HAVCR2: variants seen among roughly 807,000 people sequenced by gnomAD.
HAVCR2 encodes T cell immunoglobulin mucin 3.
In HAVCR2, 13 loss-of-function variants were observed where a neutral mutation model predicts 24.7. That is an observed-to-expected ratio of 0.53 (90% CI 0.34 to 0.84). HAVCR2 has a LOEUF of 0.84. Among genes scored for constraint, HAVCR2 ranks in the 40% least tolerant of loss-of-function variants. HAVCR2 has a pLI of 0.01. For synonymous variants in HAVCR2, 154 were observed against 143.4 expected (o/e 1.07, Z -0.53); for missense variants, 343 against 371.2 (o/e 0.92, Z 0.62).
chr5:157,091,368 C>T (rs1284315279), intron 5 of HAVCR2, among the ~76,000 whole-genome samples: 2 of 151,940 alleles, frequency 1.3e-5, no homozygotes, highest in South Asian at 2.1e-4. Flanking sequence ...TCACTTGAAC[C>T]CGGGGAGGCA....
At chr5:157,090,518 C>T (rs984955210) in intron 5 of HAVCR2, among the ~76,000 whole-genome samples, 2 of 152,010 alleles carry the variant, frequency 1.3e-5, no homozygotes, top group Admixed American at 6.6e-5. Flanking sequence ...TGCTTGAACT[C>T]GGGAGGTAGA....
At chr5:157,102,015 C>T (rs1044446683) in intron 3 of HAVCR2, among the ~76,000 whole-genome samples, 27 of 140,504 alleles carry the variant, frequency 1.9e-4, no homozygotes, top group Non-Finnish European at 7.6e-5. Context: ...GGTGAGATCT[C>T]GGTTCACTCC....
chr5:157,092,878 CAAAAAAAAAAAAAAAAAAAAA>C lies in HAVCR2; in HGVS notation c.676+2407_676+2427del, dbSNP rs556443053. Among the ~76,000 whole-genome samples, 32 of 44,044 alleles carry C rather than the reference CAAAAAAAAAAAAAAAAAAAAA, an allele frequency of 7.3e-4. 2 individuals carry two copies. The highest frequency in any genetic ancestry group is 2.0e-3 in the South Asian group (3 of 1,466). 28.9% of individuals were successfully genotyped at this position (44,044 alleles called of 152,430 possible). On this transcript the variant is annotated intron_variant, in intron 5 of 6. Transcript: ENST00000307851. ...CAACATGGCAAAACCCTGTCTCTACCAAAAAAAAAAAAAAAAAAAAAAAAAAAAAAAAAAAAAAAACTAGCC... is the reference window on the plus strand; with the variant it reads ...CAACATGGCAAAACCCTGTCTCTACCAAAAAAAAAAAAAAAAAAACTAGCC...
At chr5:157,108,894 A>G in intron 1 of HAVCR2, 32 bp downstream of exon 1, 1 of 1,606,072 alleles carries the variant, frequency 6.2e-7, no homozygotes, top group Non-Finnish European at 8.5e-7. Context: ...CAGCACCATT[A>G]TGTCATTGTA....
intron 5 of HAVCR2, among the ~76,000 whole-genome samples, chr5:157,093,806 G>A (rs370002083): frequency 2.6e-5 from 4 of 152,140 alleles, no homozygotes; most frequent in South Asian, 2.1e-4. Context: ...TTAGCCAGGC[G>A]TGGTGGTACA....
At chr5:157,105,265 T>C (rs960492962) in intron 2 of HAVCR2, among the ~76,000 whole-genome samples, 1 of 152,158 alleles carries the variant, frequency 6.6e-6, no homozygotes, top group Admixed American at 6.5e-5. Flanking sequence ...GGTTTCTCCA[T>C]GTTGGTCAGA....
chr5:157,087,173 C>A lies in HAVCR2; in HGVS notation c.835G>T (p.Glu279Ter). 1 of 1,614,076 alleles carries A rather than the reference C, an allele frequency of 6.2e-7. No homozygotes were observed. The highest frequency in any genetic ancestry group is 8.5e-7 in the Non-Finnish European group (1 of 1,179,990). ...CTGCTGCTGACATAGCAATAATACT[C>A]ATTGGGCTCCTCCACTTCATATACG... Reference protein sequence around the residue: ...ENVYEVEEPNEYYCYVSSRQQ... With the variant: ...ENVYEVEEPN The change falls in exon 7 of 7, where the codon GAG becomes TAG. Residue 279 changes from glutamate (E) to a stop codon, truncating the protein, a stop_gained. Transcript: ENST00000307851. LOFTEE classifies it low-confidence loss of function (END_TRUNC).
At chr5:157,107,482 C>T (rs1457539642) in intron 1 of HAVCR2, among the ~76,000 whole-genome samples, 1 of 152,114 alleles carries the variant, frequency 6.6e-6, no homozygotes, top group African/African-American at 2.4e-5. Context: ...AATACAAACC[C>T]TTGGTTAAAT....
At chr5:157,094,234 C>T (rs1757059329) in intron 5 of HAVCR2, among the ~76,000 whole-genome samples, 1 of 151,580 alleles carries the variant, frequency 6.6e-6, no homozygotes, top group South Asian at 2.1e-4. Context: ...AGGCAGGATC[C>T]TGCTTTGCTG....
intron 5 of HAVCR2, among the ~76,000 whole-genome samples, chr5:157,089,835 T>G (rs1756969844): frequency 6.6e-6 from 1 of 152,236 alleles, no homozygotes; most frequent in African/African-American, 2.4e-5. Context: ...AAAGGTAGGC[T>G]GGGGCTAGGT....
Position 157,106,962 on chromosome 5 carries a change from C to A in HAVCR2, c.59G>T (p.Arg20Met). The change falls in exon 2 of 7, where the codon AGG becomes ATG. Residue 20 changes from arginine to methionine, a missense_variant and splice_region_variant. Transcript: ENST00000307851. ...CGCTCTGTATTCCACTTCTGAGGAC[C>A]CTGCATAGAGAGAGAAGGAGAGCCA... The part of the protein sequence containing the change: ...VLLLLLLLLT[R>M]SSEVEYRAEV... 6 of 1,608,804 alleles carry A rather than the reference C, an allele frequency of 3.7e-6. No individual in the cohort carries two copies. Among genetic ancestry groups the A allele is most frequent in the Middle Eastern group, 1.7e-4 (1 of 6,032 alleles).
chr5:157,097,719 C>T (rs1269583548), intron 4 of HAVCR2, among the ~76,000 whole-genome samples: 1 of 151,956 alleles, frequency 6.6e-6, no homozygotes, highest in South Asian at 2.1e-4. Flanking sequence ...CCTGTCTCAG[C>T]CTCCTGAGTA....
chr5:157,106,855 C>T lies in HAVCR2; in HGVS notation c.166G>A (p.Gly56Arg). 6.2e-7 allele frequency: 1 copy of T among 1,614,200 alleles called. No individual in the cohort carries two copies. The highest frequency in any genetic ancestry group is 1.1e-5 in the South Asian group (1 of 91,090). ...CCACATTCAAACACAGGACAGGCTC[C>T]TTTGCCCCAGCAGACGGGCACGAGG... ...GNLVPVCWGK[G>R]ACPVFECGNV... Residue 56 changes from glycine to arginine, a missense_variant, in exon 2 of 7, where the codon GGA (glycine) becomes AGA (arginine). Coordinates refer to ENST00000307851, the MANE Select transcript of HAVCR2 (RefSeq NM_032782.5).
At chr5:157,097,010 T>A (rs1757103934) in intron 4 of HAVCR2, among the ~76,000 whole-genome samples, 1 of 151,922 alleles carries the variant, frequency 6.6e-6, no homozygotes, top group African/African-American at 2.4e-5. Context: ...GGAAGTTAAA[T>A]CTTCCATTTA....
Position 157,086,962 on chromosome 5 carries a change from C to A in HAVCR2, c.*140G>T. 2 of 700,734 alleles carry A rather than the reference C, an allele frequency of 2.9e-6. No homozygotes were observed. The highest frequency in any genetic ancestry group is 5.5e-5 in the East Asian group (2 of 36,178). 43.4% of individuals were successfully genotyped at this position (700,734 alleles called of 1,614,324 possible). On this transcript the variant is annotated 3_prime_UTR_variant, in exon 7 of 7. Transcript: ENST00000307851. Reference sequence around the variant, plus strand: ...GTTCAGTGCAGGTCCCAGTTCAATTCCCATGTGAGTCATTATCTTCTGAAA... The same window carrying A: ...GTTCAGTGCAGGTCCCAGTTCAATTACCATGTGAGTCATTATCTTCTGAAA...
At chr5:157,087,429 A>T in intron 6 of HAVCR2, 135 bp from the exon 7 acceptor site, 1 of 498,682 alleles carries the variant, frequency 2.0e-6, no homozygotes, top group Non-Finnish European at 3.1e-6. Flanking sequence ...GAACAAGTGG[A>T]AAAGCCAAGA....
chr5:157,101,430 C>T (rs1044252522), intron 3 of HAVCR2, among the ~76,000 whole-genome samples: 9 of 152,200 alleles, frequency 5.9e-5, no homozygotes, highest in Admixed American at 2.6e-4. Context: ...ATGGCCTTAA[C>T]AGTGTATAAA....
intron 1 of HAVCR2, 23 bp from the exon 2 acceptor site, chr5:157,106,985 C>A: frequency 1.3e-6 from 2 of 1,580,094 alleles, no homozygotes; most frequent in South Asian, 2.3e-5. Context: ...AGAAGGAGAG[C>A]CAAGACTCAA....
In HAVCR2 at chr5:157,098,920, A is replaced by G. The variant is rs200828063; in HGVS notation, c.479-19T>C. On this transcript the variant is annotated intron_variant, in intron 3 of 6. Transcript: ENST00000307851. ...GTCTCTGCTATAAAAAGAGAGAGAG[A>G]GAGAGAGAGAGGAAAAATAGCCAAT... 2.5e-6 allele frequency: 4 copies of G among 1,609,054 alleles called. No homozygotes were observed. The highest frequency in any genetic ancestry group is 3.4e-6 in the Non-Finnish European group (4 of 1,177,932).
Sources: allele counts gnomAD v4.1 joint callset (sites outside exome capture counted in the v4.1 genomes callset), GRCh38; gene constraint gnomAD v4.1.1; transcripts MANE v1.5; gene names NCBI Gene and HGNC (gene_info 2026-07-23, HGNC 2026-07-21).